CNTNAP2: variants seen among roughly 807,000 people sequenced by gnomAD.
The protein encoded by CNTNAP2 is contactin associated protein 2, also known as contactin-associated protein-like 2.
Under a neutral mutation model 155.2 loss-of-function variants are expected in CNTNAP2, and 98 were observed. That is an observed-to-expected ratio of 0.63 (90% confidence interval 0.54 to 0.75). The LOEUF (loss-of-function observed/expected upper bound fraction) is 0.75, where lower values mean the gene tolerates loss of function less well. Among genes scored for constraint, CNTNAP2 ranks in the 30% least tolerant of loss-of-function variants. CNTNAP2 has a pLI of 0.00. For missense variants in CNTNAP2, 1,727 were observed against 1,688.1 expected (o/e 1.02, Z -0.40); for synonymous variants, 651 against 631.2 (o/e 1.03, Z -0.47).
rs552324132 is a variant in CNTNAP2 at position 146,772,784 on chromosome 7, G to C, written c.98-1487G>C. 2.0e-5 allele frequency among the ~76,000 whole-genome samples: 3 copies of C among 152,286 alleles called. No homozygotes were observed. In the South Asian group the frequency reaches 6.2e-4, roughly 32 times the overall value. ...TGTGGCCATCATAGGCCACTGGGTG[G>C]CGGGGTAGCAGGGGTTGGGCAGGGG... On this transcript the variant is annotated intron_variant, in intron 1 of 23. Transcript: ENST00000361727.
intron 4 of CNTNAP2, among the ~76,000 whole-genome samples, chr7:147,095,905 G>A (rs1171771337): frequency 1.3e-5 from 2 of 152,068 alleles, no homozygotes; most frequent in Non-Finnish European, 2.9e-5. Context: ...ACAACAAAAC[G>A]ACAGGCAGCT....
chr7:148,161,802 C>T (rs76417578), intron 17 of CNTNAP2, among the ~76,000 whole-genome samples: 4,185 of 152,294 alleles, frequency 0.027, 93 homozygotes, highest in Non-Finnish European at 0.046. Flanking sequence ...TCACTGTGCC[C>T]TCCTTGAAAT....
At chr7:147,716,385 G>A (rs1447102648) in intron 13 of CNTNAP2, among the ~76,000 whole-genome samples, 1 of 152,202 alleles carries the variant, frequency 6.6e-6, no homozygotes, top group African/African-American at 2.4e-5. Flanking sequence ...GGGCTTTATA[G>A]GTGAGCTGGT....
chr7:146,939,846 T>C lies in CNTNAP2; in HGVS notation c.402+99942T>C, dbSNP rs147852401. ...AAACCAAAATGCATTAAAGGTTAAA[T>C]TTTTCAATATTTGTATTTCTTTCTT... is the stretch of plus-strand genomic sequence containing the variant. On this transcript the variant is annotated intron_variant, in intron 3 of 23. Coordinates refer to ENST00000361727, the MANE Select transcript of CNTNAP2 (RefSeq NM_014141.6). Among the ~76,000 whole-genome samples the C allele has an allele frequency of 9.0e-3, 1,378 of 152,310 alleles. 19 individuals carry two copies. The highest frequency in any genetic ancestry group is 0.032 in the African/African-American group (1,315 of 41,564).
chr7:146,762,186 C>A (rs1188376734), intron 1 of CNTNAP2, among the ~76,000 whole-genome samples: 1 of 152,094 alleles, frequency 6.6e-6, no homozygotes, highest in Non-Finnish European at 1.5e-5. Flanking sequence ...AGAATCATGT[C>A]TAGATAGAAA....
At chr7:148,141,709 T>C (rs950607379) in intron 16 of CNTNAP2, among the ~76,000 whole-genome samples, 1 of 152,212 alleles carries the variant, frequency 6.6e-6, no homozygotes, top group Non-Finnish European at 1.5e-5. Context: ...GCAGACTTTT[T>C]AAAAATCAGG....
chr7:147,296,262 C>T (rs191689250), intron 8 of CNTNAP2, among the ~76,000 whole-genome samples: 116 of 152,300 alleles, frequency 7.6e-4, no homozygotes, highest in Non-Finnish European at 1.5e-3. Flanking sequence ...AAAAACCATG[C>T]AGTCCTATAG....
rs550826628 is a variant in CNTNAP2 at position 146,132,747 on chromosome 7, A to C, written c.97+15774A>C. On this transcript the variant is annotated intron_variant, in intron 1 of 23. Transcript: ENST00000361727. ...TCCCTACAAAGGACATGAACTCATC[A>C]TTTTTTATGGCTGCATAGTATTCCA... 4.0e-3 allele frequency among the ~76,000 whole-genome samples: 602 copies of C among 151,312 alleles called. 1 individual carries two copies. The highest frequency in any genetic ancestry group is 0.014 in the African/African-American group (570 of 41,216).
intron 19 of CNTNAP2, among the ~76,000 whole-genome samples, chr7:148,221,647 G>C (rs1795749043): frequency 6.6e-6 from 1 of 152,212 alleles, no homozygotes; most frequent in African/African-American, 2.4e-5. Context: ...CAAAGTATCA[G>C]GAAAAAGCTA....
At chr7:148,355,901 C>CT (rs1302043610) in intron 21 of CNTNAP2, among the ~76,000 whole-genome samples, 12 of 152,346 alleles carry the variant, frequency 7.9e-5, no homozygotes, top group African/African-American at 2.6e-4. Context: ...ACCTAGGTGT[C>CT]TGAGAGCCAG....
rs1266010405 is a variant in CNTNAP2, at chr7:146,774,307, A to G, written c.134A>G (p.His45Arg). 2 of 1,613,968 alleles carry G rather than the reference A, an allele frequency of 1.2e-6. No individual in the cohort carries two copies. The highest frequency in any genetic ancestry group is 1.7e-6 in the Non-Finnish European group (2 of 1,179,968). ...CDEPLVSGLP[H>R]VAFSSSSSIS... ...GAGCCACTTGTCTCTGGACTCCCCCATGTGGCTTTCAGCAGCTCCTCCTCC... is the reference window on the plus strand; with the variant it reads ...GAGCCACTTGTCTCTGGACTCCCCCGTGTGGCTTTCAGCAGCTCCTCCTCC... Residue 45 changes from histidine (H) to arginine (R), a missense_variant, in exon 2 of 24, where the codon CAT becomes CGT. Physicochemically the swap from His to Arg is conservative, Grantham distance 29. Coordinates refer to ENST00000361727, the MANE Select transcript of CNTNAP2 (RefSeq NM_014141.6).
At chr7:147,675,513 T>A (rs1242631546) in intron 13 of CNTNAP2, among the ~76,000 whole-genome samples, 1 of 152,076 alleles carries the variant, frequency 6.6e-6, no homozygotes, top group Non-Finnish European at 1.5e-5. Context: ...TGAGGGCAGG[T>A]ACTCAGAAAG....
chr7:146,635,806 TA>T (rs5888216), intron 1 of CNTNAP2, among the ~76,000 whole-genome samples: 19 of 147,014 alleles, frequency 1.3e-4, no homozygotes, highest in African/African-American at 2.8e-4. Flanking sequence ...GACTCATCTC[TA>T]AAAAAAAAAA....
intron 18 of CNTNAP2, among the ~76,000 whole-genome samples, chr7:148,208,965 C>G (rs946809138): frequency 1.3e-5 from 2 of 152,142 alleles, no homozygotes; most frequent in African/African-American, 2.4e-5. Context: ...CTCCTGTCTT[C>G]TCTCTTCACA....
At chr7:147,427,468 A>G (rs1407885142) in intron 10 of CNTNAP2, among the ~76,000 whole-genome samples, 9 of 152,164 alleles carry the variant, frequency 5.9e-5, no homozygotes, top group African/African-American at 1.7e-4. Flanking sequence ...GTGACTGAGC[A>G]TGGAGATATG....
At chr7:146,392,784 G>A (rs868441873) in intron 1 of CNTNAP2, among the ~76,000 whole-genome samples, 4 of 151,492 alleles carry the variant, frequency 2.6e-5, no homozygotes, top group African/African-American at 7.3e-5. Flanking sequence ...TTTGGGAAGC[G>A]TTGAGATGTG....
intron 20 of CNTNAP2, among the ~76,000 whole-genome samples, chr7:148,255,200 A>G (rs149308635): frequency 6.6e-6 from 1 of 152,342 alleles, no homozygotes; most frequent in East Asian, 1.9e-4. Context: ...TTAATGATTT[A>G]CAATCATCTT....
intron 1 of CNTNAP2, among the ~76,000 whole-genome samples, chr7:146,170,763 C>G (rs1039364075): frequency 5.3e-5 from 8 of 152,022 alleles, no homozygotes; most frequent in Non-Finnish European, 1.2e-4. Flanking sequence ...TATGGTGGCT[C>G]ACACCTGTAA....
chr7:147,078,579 G>T (rs1353975651), intron 4 of CNTNAP2, among the ~76,000 whole-genome samples: 5 of 151,742 alleles, frequency 3.3e-5, no homozygotes, highest in Non-Finnish European at 7.4e-5. Context: ...CTTGCTTGAT[G>T]CCTGCAGGTT....
Sources: allele counts gnomAD v4.1 joint callset (sites outside exome capture counted in the v4.1 genomes callset), GRCh38; gene constraint gnomAD v4.1.1; transcripts MANE v1.5; gene names NCBI Gene and HGNC (gene_info 2026-07-23, HGNC 2026-07-21).